Variants in TMEM63B observed in about 807,000 individuals in gnomAD.
TMEM63B encodes the protein mechanosensitive cation channel TMEM63B.
A neutral mutation model predicts 102.6 loss-of-function variants in TMEM63B; 23 were observed. The ratio of observed to expected loss-of-function variants is 0.22; its 90% CI spans 0.16 to 0.32. The LOEUF (loss-of-function observed/expected upper bound fraction) is 0.32, where lower values mean the gene tolerates loss of function less well. Among genes scored for constraint, TMEM63B ranks in the 10% least tolerant of loss-of-function variants. The pLI is 1.00. For missense variants in TMEM63B, 628 were observed against 1,095.9 expected (o/e 0.57, Z 6.03); for synonymous variants, 444 against 437.0 (o/e 1.02, Z -0.20).
intron 20 of TMEM63B, among the ~76,000 whole-genome samples, chr6:44,153,166 C>T (rs1767140610): frequency 1.3e-5 from 2 of 152,214 alleles, no homozygotes; most frequent in Admixed American, 1.3e-4. Flanking sequence ...CCAGGTCTCT[C>T]TTCCTTTTTG....
chr6:44,131,066 T>C (rs944313436), intron 1 of TMEM63B, among the ~76,000 whole-genome samples: 17 of 151,836 alleles, frequency 1.1e-4, no homozygotes, highest in Non-Finnish European at 2.2e-4. Context: ...TACAGACGCA[T>C]GCCACCACAC....
In TMEM63B at chr6:44,152,080, C is replaced by A. The variant is rs1464923023; in HGVS notation, c.1836+72C>A. ...GCCCAACAAGAAACAGCAGCCATCG[C>A]GCTAGGGTTGAGGGGCACAGGAGGG... is the stretch of plus-strand genomic sequence containing the variant. On this transcript the variant is annotated intron_variant, in intron 19 of 23. Transcript: ENST00000323267. This position sits in a 1 kb window ranked among gnomAD's most constrained non-coding sequence, Gnocchi z 6.4. 6.7e-7 allele frequency: 1 copy of A among 1,502,260 alleles called. No individual in the cohort carries two copies. The highest frequency in any genetic ancestry group is 8.9e-7 in the Non-Finnish European group (1 of 1,126,360). 93.1% of individuals were successfully genotyped at this position (1,502,260 alleles called of 1,614,324 possible). A position where few individuals can be genotyped will look rare whatever the true frequency, so the allele number is the denominator to read the frequency against.
intron 5 of TMEM63B, among the ~76,000 whole-genome samples, chr6:44,137,737 C>T (rs151313372): frequency 1.3e-3 from 203 of 151,204 alleles, no homozygotes; most frequent in Admixed American, 2.4e-3. Context: ...CTTGCTCTGT[C>T]GCCCAGGCTA....
chr6:44,132,324 G>A (rs990928863), intron 1 of TMEM63B: 2 of 985,322 alleles, frequency 2.0e-6, no homozygotes, highest in African/African-American at 1.7e-5. Flanking sequence ...GCTAGATCCT[G>A]TCCACCCTGC....
At chr6:44,144,210 T>G (rs1234451774) in intron 10 of TMEM63B, among the ~76,000 whole-genome samples, 1 of 152,172 alleles carries the variant, frequency 6.6e-6, no homozygotes, top group East Asian at 1.9e-4. Flanking sequence ...GGGTATATGG[T>G]GAGGACTAAG....
chr6:44,153,577 A>G, intron 20 of TMEM63B, 99 bp from the exon 21 acceptor site: 1 of 1,438,620 alleles, frequency 7.0e-7, no homozygotes, highest in Non-Finnish European at 9.3e-7. Context: ...GGAGGGGGCC[A>G]ACCCTTCAGC....
intron 6 of TMEM63B, chr6:44,138,865 T>G: frequency 3.1e-6 from 1 of 326,264 alleles, no homozygotes. Flanking sequence ...CAGGCAGAAC[T>G]CAGGAGATCC....
chr6:44,147,365 TG>T lies in TMEM63B; in HGVS notation c.864-9del, dbSNP rs1303556588. On this transcript the variant is annotated splice_polypyrimidine_tract_variant and intron_variant, in intron 11 of 23. Transcript: ENST00000323267. Reference sequence around the variant, plus strand: ...CCCCAGATGTAGGTGACCAGGCATCTGGGTCCCACAGGAAGAAGGCCGAGCG... The same window carrying T: ...CCCCAGATGTAGGTGACCAGGCATCTGGTCCCACAGGAAGAAGGCCGAGCG... 1 of 1,614,108 alleles carries T rather than the reference TG, an allele frequency of 6.2e-7. No individual in the cohort carries two copies.
chr6:44,136,455 C>A lies in TMEM63B; in HGVS notation c.369+16C>A, dbSNP rs190666305. 252 of 1,602,904 alleles carry A rather than the reference C, an allele frequency of 1.6e-4. 2 individuals are homozygous for A. In the African/African-American group the frequency reaches 2.9e-3, roughly 18 times the overall value. Reference sequence around the variant, plus strand: ...AAGGGACAATGTGAGTGCCCTCCCCCCAAACTTCTTAGTCCCCCACCCCAC... The same window carrying A: ...AAGGGACAATGTGAGTGCCCTCCCCACAAACTTCTTAGTCCCCCACCCCAC... On this transcript the variant is annotated intron_variant, in intron 5 of 23. Transcript: ENST00000323267.
rs773566591 is a variant in TMEM63B at position 44,152,638 on chromosome 6, A to G, written c.1882A>G (p.Met628Val). The change falls in exon 20 of 24, where the codon ATG (methionine) becomes GTG (valine). Residue 628 changes from methionine (M) to valine (V), a missense_variant. Around this residue, in one of 6 missense-constraint regions of TMEM63B, gnomAD observed 90 missense variants for 136.7 expected, o/e 0.66. Coordinates refer to ENST00000323267, the MANE Select transcript of TMEM63B (RefSeq NM_018426.3). This position sits in a 1 kb window ranked among gnomAD's most constrained non-coding sequence, Gnocchi z 6.4. ...FQFGAAYAWM[M>V]CVFTVVMTYS... is the part of the protein sequence containing the mutation. Reference sequence around the variant, plus strand: ...GTTTGGCGCAGCCTACGCCTGGATGATGTGCGTCTTCACGGTGGTCATGAC... The same window carrying G: ...GTTTGGCGCAGCCTACGCCTGGATGGTGTGCGTCTTCACGGTGGTCATGAC... 6.2e-7 allele frequency: 1 copy of G among 1,608,466 alleles called. No homozygotes were observed. The highest frequency in any genetic ancestry group is 8.5e-7 in the Non-Finnish European group (1 of 1,179,896).
intron 10 of TMEM63B, among the ~76,000 whole-genome samples, chr6:44,142,242 G>A (rs1199051526): frequency 1.3e-5 from 2 of 149,994 alleles, no homozygotes; most frequent in Non-Finnish European, 2.9e-5. Flanking sequence ...GACCAGCCTG[G>A]TCAGTATAAT....
rs547471330 is a variant in TMEM63B, at chr6:44,151,727, G to T, written c.1674-119G>T. 15 of 1,212,950 alleles carry T rather than the reference G, an allele frequency of 1.2e-5. No individual in the cohort carries two copies. In the South Asian group the frequency reaches 1.3e-4, roughly 11 times the overall value. 75.1% of individuals were successfully genotyped at this position (1,212,950 alleles called of 1,614,324 possible). A position where few individuals can be genotyped will look rare whatever the true frequency, so the allele number is the denominator to read the frequency against. On this transcript the variant is annotated intron_variant, in intron 18 of 23. Coordinates refer to ENST00000323267, the MANE Select transcript of TMEM63B (RefSeq NM_018426.3). ...AGGTGCTTGGGGCGCTAAGCTGGGG[G>T]TGTCCACATGGAAGAAGCATGTTGG... is the stretch of plus-strand genomic sequence containing the variant.
chr6:44,145,545 T>C (rs1765197652), intron 10 of TMEM63B, among the ~76,000 whole-genome samples: 1 of 151,958 alleles, frequency 6.6e-6, no homozygotes, highest in African/African-American at 2.4e-5. Context: ...TGAGCCCAGA[T>C]CACACCACTG....
rs1358788087 is a variant in TMEM63B, at chr6:44,148,999, C to T, written c.1413+54C>T. On this transcript the variant is annotated intron_variant, in intron 15 of 23. Coordinates refer to ENST00000323267, the MANE Select transcript of TMEM63B (RefSeq NM_018426.3). The surrounding 1 kb of genome is among the most constrained non-coding windows in gnomAD (Gnocchi z 5.1). ...ACGCTGGGTCACAACACACAGATAC[C>T]AGGCCCTGATCCCTCTTCCACTTGC... 2.5e-6 allele frequency: 4 copies of T among 1,612,878 alleles called. No individual in the cohort carries two copies. Among genetic ancestry groups the T allele is most frequent in the Non-Finnish European group, 3.4e-6 (4 of 1,179,846 alleles).
intron 12 of TMEM63B, 94 bp downstream of exon 12, chr6:44,147,594 C>T: frequency 6.6e-7 from 1 of 1,515,812 alleles, no homozygotes; most frequent in Non-Finnish European, 8.9e-7. Context: ...CCCACCTGTC[C>T]CTGGAATCCT....
intron 23 of TMEM63B, 61 bp downstream of exon 23, chr6:44,154,506 C>A (rs146563458): frequency 0.012 from 19,615 of 1,597,802 alleles, 163 homozygotes; most frequent in Middle Eastern, 0.037. Flanking sequence ...GCCCAGTGTT[C>A]CCTTAGTCCT....
rs150393913 is a variant in TMEM63B, at chr6:44,142,912, G to A, written c.782+1814G>A. 1.3e-3 allele frequency among the ~76,000 whole-genome samples: 196 copies of A among 152,352 alleles called. 1 individual carries two copies. The highest frequency in any genetic ancestry group is 4.6e-3 in the African/African-American group (191 of 41,580). On this transcript the variant is annotated intron_variant, in intron 10 of 23. Coordinates refer to ENST00000323267, the MANE Select transcript of TMEM63B (RefSeq NM_018426.3). Reference sequence around the variant, plus strand: ...AATAGTCCCAACTACTCAGGTGACTGAGGTGGGAGGATGGCTTGAGCCCAA... The same window carrying A: ...AATAGTCCCAACTACTCAGGTGACTAAGGTGGGAGGATGGCTTGAGCCCAA...
In TMEM63B at chr6:44,148,138, G is replaced by T; in HGVS notation, c.988-114G>T. On this transcript the variant is annotated intron_variant, in intron 12 of 23. Coordinates refer to ENST00000323267, the MANE Select transcript of TMEM63B (RefSeq NM_018426.3). This position sits in a 1 kb window ranked among gnomAD's most constrained non-coding sequence, Gnocchi z 5.1. ...ACGCTGTTTCCAAAAAAAAAAAAAT[G>T]CTTAGAGGAGCAGTGCCTGGCTTGT... 1.4e-6 allele frequency: 2 copies of T among 1,435,808 alleles called. No homozygotes were observed. The highest frequency in any genetic ancestry group is 1.9e-6 in the Non-Finnish European group (2 of 1,064,978). 88.9% of individuals were successfully genotyped at this position (1,435,808 alleles called of 1,614,324 possible). A position where few individuals can be genotyped will look rare whatever the true frequency, so the allele number is the denominator to read the frequency against.
chr6:44,127,533 T>TC (rs1270478709), upstream of TMEM63B: 1 of 61,930 alleles, frequency 1.6e-5, no homozygotes. Context: ...TCCCCCTCCC[T>TC]CCCCCCGCTC....
Sources: gnomAD v4.1 joint callset for allele counts (sites outside exome capture counted in the v4.1 genomes callset) on GRCh38, gnomAD v4.1.1 for gene constraint, gnomAD v4.1.1 regional missense constraint, Gnocchi (gnomAD v3.1) non-coding constraint, MANE v1.5 for transcripts, NCBI Gene and HGNC (gene_info 2026-07-23, HGNC 2026-07-21) for gene names.